Variants in SLC9A1 observed in about 807,000 individuals in gnomAD.
SLC9A1 encodes sodium/hydrogen exchanger 1.
Under a neutral mutation model 67.9 loss-of-function variants are expected in SLC9A1, and 22 were observed. That is an observed-to-expected ratio of 0.32 (90% CI 0.23 to 0.46). SLC9A1 has a LOEUF of 0.46. Among genes scored for constraint, SLC9A1 ranks in the 20% least tolerant of loss-of-function variants. The pLI, the probability that SLC9A1 is intolerant of heterozygous loss-of-function variation, is 1.00. For missense variants in SLC9A1, 686 were observed against 1,094.8 expected, an observed-to-expected ratio of 0.63 and a Z score of 5.27; for synonymous variants, 421 against 471.8, an observed-to-expected ratio of 0.89 and a Z score of 1.40.
intron 1 of SLC9A1, among the ~76,000 whole-genome samples, chr1:27,119,162 A>G (rs1424098967): frequency 1.3e-5 from 2 of 151,888 alleles, no homozygotes; most frequent in African/African-American, 4.8e-5. Flanking sequence ...CTGCACCACA[A>G]GAATGTTTTA....
chr1:27,108,031 C>T (rs1269360231), intron 3 of SLC9A1, among the ~76,000 whole-genome samples, 166 bp from the exon 4 acceptor site: 1 of 151,628 alleles, frequency 6.6e-6, no homozygotes, highest in African/African-American at 2.4e-5. Context: ...CTCATCCTCA[C>T]ATCAACCCTA....
At position 27,109,834 on chromosome 1, in the gene SLC9A1, C is replaced by T. The variant is rs569546117; in HGVS notation, c.814-57G>A. 1.9e-6 allele frequency: 3 copies of T among 1,600,360 alleles called. No individual in the cohort carries two copies. The highest frequency in any genetic ancestry group is 2.6e-6 in the Non-Finnish European group (3 of 1,172,088). On this transcript the variant is annotated intron_variant, in intron 2 of 11. Transcript: ENST00000263980. The surrounding 1 kb of genome is among the most constrained non-coding windows in gnomAD (Gnocchi z 5.5). ...GGAGAGGGCCCTGGCCCCACGGTTCCCTGGGGTCCACCCAGGGCAATCCTG... is the reference window on the plus strand; with the variant it reads ...GGAGAGGGCCCTGGCCCCACGGTTCTCTGGGGTCCACCCAGGGCAATCCTG...
intron 4 of SLC9A1, among the ~76,000 whole-genome samples, chr1:27,107,368 C>T (rs55834907): frequency 0.3 from 44,133 of 147,216 alleles, 7,139 homozygotes; most frequent in Non-Finnish European, 0.37. Flanking sequence ...ATACTACACA[C>T]ACACACCCCC....
Position 27,100,417 on chromosome 1 carries a change from G to C in SLC9A1, c.2338C>G (p.Pro780Ala), listed in dbSNP as rs747476550. The stretch of plus-strand genomic sequence containing the variant: ...GAGCTGGGGCTGTCACTGGGCGCGG[G>C]GGTGAAGACATCGTCGGTTCCTGGG... Reference protein sequence around the residue: ...SSPGTDDVFTPAPSDSPSSQR... With the variant: ...SSPGTDDVFTAAPSDSPSSQR... Residue 780 changes from proline to alanine, a missense_variant, in exon 12 of 12, where the codon CCC becomes GCC. Pro to Ala is a conservative substitution (Grantham distance 27). This residue lies in a region of SLC9A1 where 226 missense variants were observed against 282.4 expected (regional missense o/e 0.80). Coordinates refer to ENST00000263980, the MANE Select transcript of SLC9A1 (RefSeq NM_003047.5). The surrounding 1 kb of genome is among the most constrained non-coding windows in gnomAD (Gnocchi z 5.6). 4.3e-6 allele frequency: 7 copies of C among 1,610,722 alleles called. No individual in the cohort carries two copies. The South Asian group carries it at 6.6e-5, about 15-fold the overall frequency.
intron 1 of SLC9A1, among the ~76,000 whole-genome samples, chr1:27,151,652 C>T (rs1189066203): frequency 6.6e-6 from 1 of 152,228 alleles, no homozygotes; most frequent in Admixed American, 6.5e-5. Flanking sequence ...GCGTGAGCCA[C>T]TGCGCCCAGC....
chr1:27,102,648 C>T, intron 7 of SLC9A1, 25 bp downstream of exon 7: 1 of 1,613,246 alleles, frequency 6.2e-7, no homozygotes, highest in Non-Finnish European at 8.5e-7. Context: ...CCCCTCCCTG[C>T]CTGCCCACCA....
intron 5 of SLC9A1, among the ~76,000 whole-genome samples, chr1:27,104,466 C>G (rs2083170460): frequency 6.6e-6 from 1 of 152,214 alleles, no homozygotes; most frequent in Admixed American, 6.5e-5. Flanking sequence ...CAGCTCACAG[C>G]TGCCTCAATC....
chr1:27,139,272 G>A (rs941359387), intron 1 of SLC9A1, among the ~76,000 whole-genome samples: 5 of 152,136 alleles, frequency 3.3e-5, no homozygotes, highest in African/African-American at 1.2e-4. Flanking sequence ...GTCTGGTGAA[G>A]GTGTCTGCAC....
chr1:27,120,559 G>A (rs1240917724), intron 1 of SLC9A1, among the ~76,000 whole-genome samples: 1 of 151,372 alleles, frequency 6.6e-6, no homozygotes, highest in African/African-American at 2.4e-5. Context: ...CCAACATGGC[G>A]AAACCTCGTC....
intron 1 of SLC9A1, among the ~76,000 whole-genome samples, chr1:27,127,468 T>C (rs968079604): frequency 2.0e-5 from 3 of 152,160 alleles, no homozygotes; most frequent in African/African-American, 4.8e-5. Flanking sequence ...CAAGATCACA[T>C]GGGTAGCAGC....
At chr1:27,122,114 C>T (rs781417518) in intron 1 of SLC9A1, among the ~76,000 whole-genome samples, 5 of 152,018 alleles carry the variant, frequency 3.3e-5, no homozygotes, top group Non-Finnish European at 7.4e-5. Flanking sequence ...GACTCCATCT[C>T]AAAAATACAA....
Position 27,100,468 on chromosome 1 carries a change from T to C in SLC9A1, c.2287A>G (p.Met763Val), listed in dbSNP as rs1412907571. ...EEDEDDDGGI[M>V]MRSKETSSPG... The stretch of plus-strand genomic sequence containing the variant: ...GACGAAGTCTCCTTGCTCCGCATCA[T>C]GATGCCCCCATCGTCGTCCTCGTCC... Residue 763 changes from methionine (M) to valine (V), a missense_variant, in exon 12 of 12, where the codon ATG (methionine) becomes GTG (valine). By Grantham distance (21) the Met-to-Val change is conservative. Coordinates refer to ENST00000263980, the MANE Select transcript of SLC9A1 (RefSeq NM_003047.5). This position sits in a 1 kb window ranked among gnomAD's most constrained non-coding sequence, Gnocchi z 5.6. The C allele has an allele frequency of 1.2e-6, 2 of 1,614,068 alleles. No homozygotes were observed. The highest frequency in any genetic ancestry group is 1.1e-5 in the South Asian group (1 of 91,092).
At chr1:27,131,947 A>AAAAAAATATATATATATATATAT in intron 1 of SLC9A1, among the ~76,000 whole-genome samples, 1 of 52,124 alleles carries the variant, frequency 1.9e-5, no homozygotes, top group African/African-American at 6.3e-5. Flanking sequence ...AGAAAAAAAA[A>AAAAAAATATATATATATATATAT]ATATATATAT....
intron 1 of SLC9A1, among the ~76,000 whole-genome samples, chr1:27,136,148 A>G (rs537507276): frequency 6.6e-6 from 1 of 151,992 alleles, no homozygotes; most frequent in African/African-American, 2.4e-5. Context: ...AGATGTGGGG[A>G]CCCCCTTATC....
At chr1:27,102,866 A>G in intron 6 of SLC9A1, 123 bp from the exon 7 acceptor site, 1 of 858,922 alleles carries the variant, frequency 1.2e-6, no homozygotes. Context: ...TGGTTCCATG[A>G]GCAGCCAGGA....
intron 1 of SLC9A1, among the ~76,000 whole-genome samples, chr1:27,136,193 A>C (rs2083419598): frequency 6.6e-6 from 1 of 152,346 alleles, no homozygotes; most frequent in South Asian, 2.1e-4. Flanking sequence ...TGGTTCAGTC[A>C]CTAAGGGAAG....
At chr1:27,103,384 T>C in intron 5 of SLC9A1, 72 bp from the exon 6 acceptor site, 1 of 1,057,414 alleles carries the variant, frequency 9.5e-7, no homozygotes, top group Non-Finnish European at 1.5e-6. Context: ...CCTCCCTCCC[T>C]CACCCCAGGC....
At chr1:27,135,986 G>A (rs1269908329) in intron 1 of SLC9A1, among the ~76,000 whole-genome samples, 1 of 152,224 alleles carries the variant, frequency 6.6e-6, no homozygotes, top group African/African-American at 2.4e-5. Context: ...TCAGCCTACA[G>A]GCATATAGCA....
intron 1 of SLC9A1, among the ~76,000 whole-genome samples, chr1:27,117,266 A>G (rs1254141764): frequency 6.6e-6 from 1 of 152,214 alleles, no homozygotes; most frequent in Non-Finnish European, 1.5e-5. Flanking sequence ...GGGGCCAGAA[A>G]GCACCTTCCC....
Sources: gnomAD v4.1 joint callset for allele counts (sites outside exome capture counted in the v4.1 genomes callset) on GRCh38, gnomAD v4.1.1 for gene constraint, gnomAD v4.1.1 regional missense constraint, Gnocchi (gnomAD v3.1) non-coding constraint, MANE v1.5 for transcripts, NCBI Gene and HGNC (gene_info 2026-07-23, HGNC 2026-07-21) for gene names.